MARK1: variants seen among roughly 807,000 people sequenced by gnomAD.
The protein encoded by MARK1 is serine/threonine-protein kinase MARK1.
Under a neutral mutation model 96.3 loss-of-function variants are expected in MARK1, and 40 were observed. The ratio of observed to expected loss-of-function variants is 0.42; its 90% confidence interval spans 0.32 to 0.54. The LOEUF is 0.54. MARK1 is among the 20% of genes least tolerant of loss of function. The pLI is 0.16. For missense variants in MARK1, 719 were observed against 984.6 expected (o/e 0.73, Z 3.61); for synonymous variants, 317 against 341.2 (o/e 0.93, Z 0.78).
chr1:220,558,471 A>G (rs1220125509), intron 1 of MARK1, among the ~76,000 whole-genome samples: 1 of 151,930 alleles, frequency 6.6e-6, no homozygotes, highest in Non-Finnish European at 1.5e-5. Context: ...AAAAACTAGT[A>G]AAACATAACT....
intron 2 of MARK1, 64 bp downstream of exon 2, chr1:220,579,621 T>G (rs1241778060): frequency 7.6e-7 from 1 of 1,315,670 alleles, no homozygotes; most frequent in Non-Finnish European, 1.1e-6. Context: ...TAAAGCTTCC[T>G]TATAGCCCAT....
At chr1:220,587,805 T>G (rs982668496) in intron 3 of MARK1, among the ~76,000 whole-genome samples, 1 of 152,238 alleles carries the variant, frequency 6.6e-6, no homozygotes, top group African/African-American at 2.4e-5. Context: ...ATGTATTTTA[T>G]TTTGTTTTTC....
chr1:220,556,485 C>CAA (rs55808704), intron 1 of MARK1, among the ~76,000 whole-genome samples: 22,216 of 85,278 alleles, frequency 0.26, 2,898 homozygotes, highest in Non-Finnish European at 0.3. Context: ...GGGACTGTCA[C>CAA]AAAAAAAAAA....
intron 5 of MARK1, among the ~76,000 whole-genome samples, chr1:220,600,467 T>C (rs1665664358): frequency 1.3e-5 from 2 of 152,198 alleles, no homozygotes; most frequent in Non-Finnish European, 2.9e-5. Flanking sequence ...ATAGGAATGA[T>C]TTTGAAACAC....
At chr1:220,652,181 A>G (rs3737296) in intron 15 of MARK1, 31 bp downstream of exon 15, 1,203,169 of 1,548,832 alleles carry the variant, frequency 0.78, 470,088 homozygotes, top group African/African-American at 0.96. Context: ...CATTTTGTTC[A>G]TTAAGAGTTT....
chr1:220,531,270 G>A (rs1354984860), intron 1 of MARK1, among the ~76,000 whole-genome samples: 2 of 152,064 alleles, frequency 1.3e-5, no homozygotes, highest in East Asian at 3.9e-4. Flanking sequence ...CAGCCAAAAT[G>A]TATTTTTGTT....
At chr1:220,643,582 A>G (rs886239663) in intron 13 of MARK1, among the ~76,000 whole-genome samples, 1 of 152,130 alleles carries the variant, frequency 6.6e-6, no homozygotes, top group Non-Finnish European at 1.5e-5. Context: ...GAGGACCCCA[A>G]TAAGATACTC....
At chr1:220,542,239 T>C (rs541321492) in intron 1 of MARK1, among the ~76,000 whole-genome samples, 10 of 152,366 alleles carry the variant, frequency 6.6e-5, no homozygotes, top group African/African-American at 2.4e-4. Flanking sequence ...TTCATTTCCT[T>C]GAACATTTAA....
intron 1 of MARK1, among the ~76,000 whole-genome samples, chr1:220,573,222 T>C (rs931865270): frequency 6.6e-6 from 1 of 152,278 alleles, no homozygotes; most frequent in South Asian, 2.1e-4. Context: ...TTCAAGTACT[T>C]TTTTCTACCC....
intron 1 of MARK1, among the ~76,000 whole-genome samples, chr1:220,545,541 A>G (rs922384432): frequency 2.7e-5 from 4 of 150,248 alleles, no homozygotes; most frequent in South Asian, 4.2e-4. Context: ...GGTTCAATCA[A>G]TCCATCCGCC....
At chr1:220,626,509 G>A (rs551927711) in intron 9 of MARK1, 127 of 525,882 alleles carry the variant, frequency 2.4e-4, no homozygotes, top group Admixed American at 8.3e-4. Context: ...GGACTGGTTA[G>A]GTTGCTTCAA....
chr1:220,544,727 G>A (rs987090630), intron 1 of MARK1, among the ~76,000 whole-genome samples: 2 of 152,134 alleles, frequency 1.3e-5, no homozygotes, highest in African/African-American at 4.8e-5. Context: ...AGTCCAGGTG[G>A]TAAACAAATT....
intron 1 of MARK1, among the ~76,000 whole-genome samples, chr1:220,530,283 A>C (rs560259016): frequency 5.3e-5 from 8 of 152,350 alleles, no homozygotes; most frequent in Admixed American, 1.3e-4. Context: ...CTTCATTTGC[A>C]TCATAACTAT....
chr1:220,599,756 T>C (rs751745412), intron 4 of MARK1, 42 bp from the exon 5 acceptor site: 40 of 1,084,528 alleles, frequency 3.7e-5, no homozygotes, highest in Middle Eastern at 2.3e-4. Context: ...ATATTCAATC[T>C]GTGCTAACAG....
intron 17 of MARK1, among the ~76,000 whole-genome samples, chr1:220,659,492 G>A (rs143715591): frequency 1.2e-3 from 183 of 152,252 alleles, no homozygotes; most frequent in Non-Finnish European, 2.1e-3. Flanking sequence ...CACTCTAACT[G>A]CCTCATAGGG....
chr1:220,578,077 T>C (rs1663994098), intron 1 of MARK1, among the ~76,000 whole-genome samples: 3 of 152,230 alleles, frequency 2.0e-5, no homozygotes, highest in African/African-American at 7.2e-5. Flanking sequence ...CAAAATTCTT[T>C]AGGAAGCTGT....
At chr1:220,629,790 T>C (rs1257959922) in intron 9 of MARK1, among the ~76,000 whole-genome samples, 1 of 152,226 alleles carries the variant, frequency 6.6e-6, no homozygotes, top group Non-Finnish European at 1.5e-5. Context: ...GGATTTTTTT[T>C]AAGGCTGAAT....
chr1:220,587,611 C>T (rs1664730555), intron 3 of MARK1, among the ~76,000 whole-genome samples: 1 of 152,082 alleles, frequency 6.6e-6, no homozygotes, highest in Admixed American at 6.5e-5. Context: ...CTCAGGTGAT[C>T]CACCTGCCTC....
At chr1:220,583,859 G>A (rs1664417952) in intron 3 of MARK1, among the ~76,000 whole-genome samples, 1 of 142,324 alleles carries the variant, frequency 7.0e-6, no homozygotes, top group African/African-American at 2.6e-5. Flanking sequence ...GTAGAGACGA[G>A]GATTCACCAT....
Sources: gnomAD v4.1 joint callset for allele counts (sites outside exome capture counted in the v4.1 genomes callset) on GRCh38, gnomAD v4.1.1 for gene constraint, MANE v1.5 for transcripts, NCBI Gene and HGNC (gene_info 2026-07-23, HGNC 2026-07-21) for gene names.